ADGRF1: variants seen among roughly 807,000 people sequenced by gnomAD.
ADGRF1 encodes the protein G protein-coupled receptor 110.
ADGRF1 carries 85 observed loss-of-function variants against 87.2 expected under a neutral mutation model. The observed-to-expected ratio is 0.97, with a 90% CI of 0.82 to 1.17. ADGRF1 has a LOEUF of 1.17. ADGRF1 is among the 50% of genes most tolerant of loss of function. The probability of loss-of-function intolerance (pLI) is 0.00; values close to 1 mark genes in which losing one functional copy is unlikely to be tolerated. For missense variants in ADGRF1, 1,169 were observed against 1,077.2 expected, an observed-to-expected ratio of 1.09 and a Z score of -1.19; for synonymous variants, 430 against 408.8, an observed-to-expected ratio of 1.05 and a Z score of -0.63.
intron 13 of ADGRF1, among the ~76,000 whole-genome samples, chr6:47,002,815 A>T (rs2113874118): frequency 6.6e-6 from 1 of 152,222 alleles, no homozygotes; most frequent in South Asian, 2.1e-4. Flanking sequence ...CTGAGCATGG[A>T]GAAGATTTGG....
In ADGRF1 at chr6:47,022,060, T is replaced by A. The variant is rs757488925; in HGVS notation, c.452-2A>T. 6.6e-7 allele frequency: 1 copy of A among 1,510,246 alleles called. No individual in the cohort carries two copies. The highest frequency in any genetic ancestry group is 9.0e-7 in the Non-Finnish European group (1 of 1,110,704). The allele number at this position is 1,510,246 out of a possible 1,614,324, so 93.6% of individuals were successfully genotyped here. On this transcript the variant is annotated splice_acceptor_variant, in intron 5 of 14. Coordinates refer to ENST00000371253, the MANE Select transcript of ADGRF1 (RefSeq NM_153840.4). LOFTEE classifies it high-confidence loss of function. The stretch of plus-strand genomic sequence containing the variant: ...TAATTTTGAAAGTGCCCCAAATCTC[T>A]GTAGGAAATAAAAATAAGTTTATAG...
At chr6:47,034,899 G>A (rs1780542797) in intron 1 of ADGRF1, among the ~76,000 whole-genome samples, 1 of 152,218 alleles carries the variant, frequency 6.6e-6, no homozygotes. Context: ...CAGCTCAAGA[G>A]TATTTCTCCT....
chr6:47,025,840 G>T lies in ADGRF1; in HGVS notation c.277+14C>A. The T allele has an allele frequency of 6.4e-7, 1 of 1,564,636 alleles. No homozygotes were observed. On this transcript the variant is annotated intron_variant, in intron 4 of 14. Coordinates refer to ENST00000371253, the MANE Select transcript of ADGRF1 (RefSeq NM_153840.4). ...TTCCCCATTTATACATCCAGTCACC[G>T]AGAGCCACCTTACCTGTGGTAGCCT...
rs190796983 is a variant in ADGRF1, at chr6:47,036,197, T to C, written c.-44+5994A>G. ...GTGAGCCAAGATCGCGCCACTGCAC[T>C]CCAGCCTGGGAGAGAGAGGGAGACC... On this transcript the variant is annotated intron_variant, in intron 1 of 14. Coordinates refer to ENST00000371253, the MANE Select transcript of ADGRF1 (RefSeq NM_153840.4). 2.1e-3 allele frequency among the ~76,000 whole-genome samples: 317 copies of C among 152,132 alleles called. 1 individual carries two copies. The highest frequency in any genetic ancestry group is 7.3e-3 in the African/African-American group (304 of 41,510).
chr6:47,016,547 T>G (rs1561871637), intron 8 of ADGRF1, 70 bp downstream of exon 8: 2 of 1,378,920 alleles, frequency 1.5e-6, no homozygotes, highest in Admixed American at 5.1e-5. Context: ...ATCTACTTCC[T>G]GAGGACACAA....
chr6:47,012,248 C>T (rs965764699), intron 9 of ADGRF1, 53 bp from the exon 10 acceptor site: 15 of 1,586,010 alleles, frequency 9.5e-6, no homozygotes, highest in Non-Finnish European at 1.3e-5. Flanking sequence ...TGTGTTTCAT[C>T]AAATTTAAAT....
At chr6:47,031,765 A>T (rs1780438815) in intron 1 of ADGRF1, among the ~76,000 whole-genome samples, 1 of 152,084 alleles carries the variant, frequency 6.6e-6, no homozygotes, top group African/African-American at 2.4e-5. Context: ...TTGCTCTGTC[A>T]CCCAGGCTGG....
At chr6:47,008,191 A>G (rs984904781) in intron 11 of ADGRF1, among the ~76,000 whole-genome samples, 1 of 152,208 alleles carries the variant, frequency 6.6e-6, no homozygotes, top group African/African-American at 2.4e-5. Context: ...CAAATGTTTA[A>G]CCACCACTTC....
At chr6:47,005,292 A>T (rs1779489399) in intron 13 of ADGRF1, among the ~76,000 whole-genome samples, 1 of 152,180 alleles carries the variant, frequency 6.6e-6, no homozygotes, top group Admixed American at 6.5e-5. Context: ...GGGTTTGTAG[A>T]CTTAAGAGCT....
intron 13 of ADGRF1, among the ~76,000 whole-genome samples, chr6:47,004,510 T>C (rs1450274906): frequency 2.0e-5 from 3 of 152,112 alleles, no homozygotes; most frequent in Non-Finnish European, 4.4e-5. Context: ...TTTGCTTTTG[T>C]TTTATTTTAC....
intron 1 of ADGRF1, among the ~76,000 whole-genome samples, chr6:47,030,771 C>CT (rs56290927): frequency 6.2e-4 from 94 of 150,988 alleles, no homozygotes; most frequent in Middle Eastern, 3.4e-3. Flanking sequence ...TTTCTTCACT[C>CT]TTTTTTTTTG....
chr6:47,021,907 G>T (rs764963274), intron 6 of ADGRF1, 51 bp downstream of exon 6: 4 of 964,214 alleles, frequency 4.1e-6, no homozygotes, highest in Non-Finnish European at 4.9e-6. Flanking sequence ...GAAAACATTT[G>T]AACTTGAGTG....
At chr6:47,028,613 C>A (rs1780317586) in intron 2 of ADGRF1, among the ~76,000 whole-genome samples, 1 of 152,014 alleles carries the variant, frequency 6.6e-6, no homozygotes, top group Non-Finnish European at 1.5e-5. Flanking sequence ...AAACCATGAT[C>A]CTAGATGAAA....
At chr6:47,033,173 G>C (rs1209387354) in intron 1 of ADGRF1, among the ~76,000 whole-genome samples, 1 of 152,188 alleles carries the variant, frequency 6.6e-6, no homozygotes, top group Non-Finnish European at 1.5e-5. Context: ...AGTGATGCCT[G>C]AGCTGCAGCT....
chr6:47,030,191 A>C (rs1780369895), intron 1 of ADGRF1, among the ~76,000 whole-genome samples: 1 of 152,216 alleles, frequency 6.6e-6, no homozygotes, highest in African/African-American at 2.4e-5. Flanking sequence ...CATTAGAGAC[A>C]GGGAAGAACT....
intron 1 of ADGRF1, among the ~76,000 whole-genome samples, chr6:47,030,344 G>T (rs555551971): frequency 7.2e-4 from 110 of 152,230 alleles, no homozygotes; most frequent in African/African-American, 2.5e-3. Flanking sequence ...CCACCTTCCT[G>T]TTTGCCAAAG....
At chr6:47,022,118 G>A (rs1205793719) in intron 5 of ADGRF1, 60 bp from the exon 6 acceptor site, 4 of 925,928 alleles carry the variant, frequency 4.3e-6, no homozygotes, top group Admixed American at 2.5e-5. Context: ...TTTACTAGTA[G>A]CATACAATTA....
At position 47,009,745 on chromosome 6, in the gene ADGRF1, T is replaced by C. The variant is rs762278309; in HGVS notation, c.1690A>G (p.Thr564Ala). 39 of 1,614,020 alleles carry C rather than the reference T, an allele frequency of 2.4e-5. No homozygotes were observed. The Admixed American group carries it at 6.3e-4, about 26-fold the overall frequency. The change falls in exon 11 of 15, where the codon ACT becomes GCT. Residue 564 changes from threonine to alanine, a missense_variant. Thr to Ala is a moderately conservative substitution (Grantham distance 58, BLOSUM62 0). Transcript: ENST00000371253. ...AATATGGAGAAGGAGGTCAAGTGAGTACATTGGCACGTCACGATGTCTTGA... is the reference window on the plus strand; with the variant it reads ...AATATGGAGAAGGAGGTCAAGTGAGCACATTGGCACGTCACGATGTCTTGA... The part of the protein sequence containing the change: ...ETQDIVTCQC[T>A]HLTSFSILMS...
chr6:47,011,514 A>G (rs1436865713), intron 10 of ADGRF1, among the ~76,000 whole-genome samples: 3 of 152,234 alleles, frequency 2.0e-5, no homozygotes, highest in Non-Finnish European at 4.4e-5. Context: ...TTTTAAAGTG[A>G]CCAGGCTACA....
Sources: gnomAD v4.1 joint callset for allele counts (sites outside exome capture counted in the v4.1 genomes callset) on GRCh38, gnomAD v4.1.1 for gene constraint, MANE v1.5 for transcripts, NCBI Gene and HGNC (gene_info 2026-07-23, HGNC 2026-07-21) for gene names.